The following PDE6C variants were observed in gnomAD, a reference collection of about 807,000 sequenced individuals.
PDE6C encodes the protein phosphodiesterase 6C, also known as cone cGMP-specific 3',5'-cyclic phosphodiesterase subunit alpha'.
Under a neutral mutation model 113.1 loss-of-function variants are expected in PDE6C, and 75 were observed. The ratio of observed to expected loss-of-function variants is 0.66; its 90% CI spans 0.55 to 0.80. The LOEUF (loss-of-function observed/expected upper bound fraction) is 0.80, where lower values mean the gene tolerates loss of function less well. PDE6C is among the 30% of genes least tolerant of loss of function. PDE6C has a pLI of 0.00. For missense variants in PDE6C, 912 were observed against 1,038.6 expected (o/e 0.88, Z 1.67); for synonymous variants, 375 against 363.7 (o/e 1.03, Z -0.35).
intron 15 of PDE6C, among the ~76,000 whole-genome samples, chr10:93,647,213 A>T (rs970175941): frequency 6.6e-6 from 1 of 152,130 alleles, no homozygotes; most frequent in Non-Finnish European, 1.5e-5. Context: ...GATTGAGGGG[A>T]GCACTGTTTT....
chr10:93,644,838 T>TAC (rs1262853700), intron 14 of PDE6C, among the ~76,000 whole-genome samples: 23 of 146,730 alleles, frequency 1.6e-4, no homozygotes, highest in Non-Finnish European at 1.5e-4. Context: ...ATATACTATA[T>TAC]ATAGTACATA....
Position 93,662,065 on chromosome 10 carries a change from CT to C in PDE6C, c.2217del (p.Met740TrpfsTer24). 4 of 1,603,126 alleles carry C rather than the reference CT, an allele frequency of 2.5e-6. No individual in the cohort carries two copies. Among genetic ancestry groups the C allele is most frequent in the Non-Finnish European group, 3.4e-6 (4 of 1,170,118 alleles). On this transcript the variant is annotated frameshift_variant, in exon 19 of 22. Coordinates refer to ENST00000371447, the MANE Select transcript of PDE6C (RefSeq NM_006204.4). LOFTEE classifies it high-confidence loss of function. ...KPWEVQSQVALMVANEFWEQG... is the reference protein window; with the variant it reads ...KPWEVQSQVAXMVANEFWEQG... ...AAGCCTTTCTCATTTGCAGGTAGCA[CT>C]TATGGTTGCAAATGAATTTTGGGAA...
intron 1 of PDE6C, among the ~76,000 whole-genome samples, chr10:93,619,954 A>C (rs113365490): frequency 2.0e-5 from 3 of 152,258 alleles, no homozygotes; most frequent in African/African-American, 7.2e-5. Flanking sequence ...GCACAAATCT[A>C]AGAGGTGAGT....
In PDE6C at chr10:93,658,169, CAAAAAA is replaced by C. The variant is rs71031527; in HGVS notation, c.2037-714_2037-709del. Among the ~76,000 whole-genome samples, 268 of 59,876 alleles carry C rather than the reference CAAAAAA, an allele frequency of 4.5e-3. 1 individual carries two copies. Among genetic ancestry groups the C allele is most frequent in the Non-Finnish European group, 5.4e-3 (174 of 32,348 alleles). 39.3% of individuals were successfully genotyped at this position (59,876 alleles called of 152,430 possible). A position where few individuals can be genotyped will look rare whatever the true frequency, so the allele number is the denominator to read the frequency against. Reference sequence around the variant, plus strand: ...TGAGTGGTAGAGCAAGATTCTGTCTCAAAAAAAAAAAAAAAAAAAAAAAGAAAAAGA... The same window carrying C: ...TGAGTGGTAGAGCAAGATTCTGTCTCAAAAAAAAAAAAAAAAAGAAAAAGA... On this transcript the variant is annotated intron_variant, in intron 16 of 21. Coordinates refer to ENST00000371447, the MANE Select transcript of PDE6C (RefSeq NM_006204.4).
At chr10:93,661,033 A>C (rs1487726499) in intron 18 of PDE6C, among the ~76,000 whole-genome samples, 1 of 152,152 alleles carries the variant, frequency 6.6e-6, no homozygotes, top group Non-Finnish European at 1.5e-5. Flanking sequence ...AACTTGCCCA[A>C]AGATCACTTT....
rs747091013 is a variant in PDE6C, at chr10:93,659,099, C to T, written c.2145-5C>T. ...TATTTTAAAATTTTTTGTTTTCTTCCTAAGGGCAATGATGATGACGGCATG... is the reference window on the plus strand; with the variant it reads ...TATTTTAAAATTTTTTGTTTTCTTCTTAAGGGCAATGATGATGACGGCATG... On this transcript the variant is annotated splice_region_variant and splice_polypyrimidine_tract_variant and intron_variant, in intron 17 of 21. Coordinates refer to ENST00000371447, the MANE Select transcript of PDE6C (RefSeq NM_006204.4). 6.2e-6 allele frequency: 10 copies of T among 1,609,098 alleles called. No individual in the cohort carries two copies. In the East Asian group the frequency reaches 2.2e-4, roughly 36 times the overall value.
chr10:93,647,884 AAG>A, intron 15 of PDE6C, among the ~76,000 whole-genome samples: 1 of 152,240 alleles, frequency 6.6e-6, no homozygotes, highest in Non-Finnish European at 1.5e-5. Flanking sequence ...TCAGGAATGT[AAG>A]AGTAAATTGT....
At chr10:93,656,536 G>T (rs571961184) in intron 16 of PDE6C, among the ~76,000 whole-genome samples, 6 of 151,996 alleles carry the variant, frequency 3.9e-5, no homozygotes, top group African/African-American at 1.4e-4. Flanking sequence ...ATGCCTTTCT[G>T]ATCCTTCACT....
At chr10:93,631,650 A>G (rs759165498) in intron 8 of PDE6C, among the ~76,000 whole-genome samples, 2 of 152,106 alleles carry the variant, frequency 1.3e-5, no homozygotes, top group African/African-American at 2.4e-5. Flanking sequence ...GCGGACTAGG[A>G]CGGGTGACCG....
At position 93,637,055 on chromosome 10, in the gene PDE6C, G is replaced by A. The variant is rs139638257; in HGVS notation, c.1474G>A (p.Ala492Thr). The A allele has an allele frequency of 1.9e-4, 294 of 1,586,248 alleles. No individual in the cohort carries two copies. The highest frequency in any genetic ancestry group is 2.5e-4 in the Non-Finnish European group (284 of 1,155,132). The change falls in exon 11 of 22, where the codon GCA (alanine) becomes ACA (threonine). Residue 492 changes from alanine to threonine, a missense_variant. Transcript: ENST00000371447. ...CGACTGTGAAGAAAAACAACTTGTT[G>A]CAATTTTGGTAAGTGTTTTCTTTCT... ...IDDCEEKQLV[A>T]ILKEDLPDPR...
At chr10:93,646,547 G>C (rs148809052) in intron 15 of PDE6C, among the ~76,000 whole-genome samples, 1 of 152,248 alleles carries the variant, frequency 6.6e-6, no homozygotes, top group East Asian at 1.9e-4. Context: ...GGTTCTGCAG[G>C]CTGTACAGGA....
chr10:93,617,700 A>G (rs515656), intron 1 of PDE6C, among the ~76,000 whole-genome samples: 150,813 of 152,300 alleles, frequency 0.99, 74,693 homozygotes, highest in Middle Eastern at 1. Flanking sequence ...CTTGAACCTG[A>G]AAGGTGAAGC....
intron 15 of PDE6C, among the ~76,000 whole-genome samples, chr10:93,653,782 T>C (rs911141718): frequency 2.0e-5 from 3 of 152,226 alleles, no homozygotes; most frequent in African/African-American, 2.4e-5. Flanking sequence ...AGTTTAACTA[T>C]AGTTGCTATG....
At position 93,613,184 on chromosome 10, in the gene PDE6C, T is replaced by C. The variant is rs755658134; in HGVS notation, c.459T>C (p.His153=). ...VGWAAHTKKT[H]NVPDVKKNSH... ...GGGCTGCTCACACGAAGAAAACTCA[T>C]AATGTCCCAGATGTGAAAAAGGTAG... Residue 153 remains histidine (H), a synonymous_variant, in exon 1 of 22, where the codon CAT becomes CAC. Transcript: ENST00000371447. 6.2e-7 allele frequency: 1 copy of C among 1,613,716 alleles called. No homozygotes were observed. The highest frequency in any genetic ancestry group is 8.5e-7 in the Non-Finnish European group (1 of 1,180,000).
intron 7 of PDE6C, 82 bp from the exon 8 acceptor site, chr10:93,629,176 C>T (rs1232926115): frequency 1.7e-5 from 20 of 1,145,704 alleles, no homozygotes; most frequent in South Asian, 4.9e-5. Flanking sequence ...ACTCCCAATG[C>T]GTTCTTTCTT....
intron 12 of PDE6C, 83 bp from the exon 13 acceptor site, chr10:93,640,367 A>G (rs2058553421): frequency 7.9e-7 from 1 of 1,262,998 alleles, no homozygotes; most frequent in African/African-American, 1.5e-5. Context: ...CAAGACCAAC[A>G]CATCTTTTTA....
intron 17 of PDE6C, 44 bp downstream of exon 17, chr10:93,659,052 T>G (rs1438078868): frequency 1.3e-6 from 2 of 1,576,768 alleles, no homozygotes; most frequent in African/African-American, 2.7e-5. Flanking sequence ...TTTGTAAAAA[T>G]AACTTATTTT....
chr10:93,647,904 T>A (rs1463598545), intron 15 of PDE6C, among the ~76,000 whole-genome samples: 1 of 152,248 alleles, frequency 6.6e-6, no homozygotes, highest in Non-Finnish European at 1.5e-5. Context: ...TGTTATTACC[T>A]AATTTGTTAT....
At position 93,658,955 on chromosome 10, in the gene PDE6C, A is replaced by G; in HGVS notation, c.2091A>G (p.Glu697=). ...ATGCCTGTGAACAAATGCAAACGGA[A>G]GAAGAAGCCATCAAATATGTAACTG... ...IVDACEQMQT[E]EEAIKYVTVD... The change falls in exon 17 of 22, where the codon GAA becomes GAG. Residue 697 remains glutamate, a synonymous_variant. Coordinates refer to ENST00000371447, the MANE Select transcript of PDE6C (RefSeq NM_006204.4). 1.2e-6 allele frequency: 2 copies of G among 1,613,122 alleles called. No individual in the cohort carries two copies. Among genetic ancestry groups the G allele is most frequent in the Non-Finnish European group, 1.7e-6 (2 of 1,179,196 alleles).
Sources: allele counts gnomAD v4.1 joint callset (sites outside exome capture counted in the v4.1 genomes callset), GRCh38; gene constraint gnomAD v4.1.1; transcripts MANE v1.5; gene names NCBI Gene and HGNC (gene_info 2026-07-23, HGNC 2026-07-21).